UCK2: variants seen among roughly 807,000 people sequenced by gnomAD.
UCK2 encodes cytidine monophosphokinase 2.
UCK2 carries 6 observed loss-of-function variants against 30.8 expected under a neutral mutation model. The observed-to-expected ratio is 0.19, with a 90% confidence interval of 0.11 to 0.38. The LOEUF is 0.38. Among genes scored for constraint, UCK2 ranks in the 10% least tolerant of loss-of-function variants. UCK2 has a pLI of 1.00. For synonymous variants in UCK2, 125 were observed against 133.6 expected, an observed-to-expected ratio of 0.94 and a Z score of 0.45; for missense variants, 210 against 339.8, an observed-to-expected ratio of 0.62 and a Z score of 3.00.
rs773470020 is a variant in UCK2, at chr1:165,907,865, A to AGG, written c.*43_*44dup. 6.2e-6 allele frequency: 10 copies of AGG among 1,605,004 alleles called. No individual in the cohort carries two copies. The South Asian group carries it at 7.8e-5, about 13-fold the overall frequency. On this transcript the variant is annotated 3_prime_UTR_variant, in exon 7 of 7. Transcript: ENST00000367879. ...CCCAGCCCCTATCTCCAAGAGACAGAGGAGGGGTCAGGAGGCACTGCTCAT... is the reference window on the plus strand; with the variant it reads ...CCCAGCCCCTATCTCCAAGAGACAGAGGGGAGGGGTCAGGAGGCACTGCTCAT...
intron 1 of UCK2, among the ~76,000 whole-genome samples, chr1:165,835,951 G>A (rs973820957): frequency 2.0e-5 from 3 of 152,084 alleles, no homozygotes; most frequent in East Asian, 1.9e-4. Flanking sequence ...GGATACTGCC[G>A]GGCGCGGTGG....
chr1:165,909,585 G>A lies in UCK2; in HGVS notation c.*1762G>A, dbSNP rs889788116. On this transcript the variant is annotated 3_prime_UTR_variant, in exon 7 of 7. Transcript: ENST00000367879. ...TGGTCCCCAGCAGAGCTTGCCACCC[G>A]GAGACTTTCAGGAGACCGTGCAGGC... is the stretch of plus-strand genomic sequence containing the variant. 3 of 152,204 alleles carry A rather than the reference G, an allele frequency of 2.0e-5. No homozygotes were observed. The highest frequency in any genetic ancestry group is 2.9e-5 in the Non-Finnish European group (2 of 68,032). 9.4% of individuals were successfully genotyped at this position (152,204 alleles called of 1,614,324 possible). A position where few individuals can be genotyped will look rare whatever the true frequency, so the allele number is the denominator to read the frequency against.
At chr1:165,841,109 G>GTATA (rs1427958973) in intron 1 of UCK2, among the ~76,000 whole-genome samples, 1,459 of 46,424 alleles carry the variant, frequency 0.031, 13 homozygotes, top group Non-Finnish European at 0.048. Context: ...GTGTGTGTGT[G>GTATA]TGTATATATA....
intron 3 of UCK2, among the ~76,000 whole-genome samples, chr1:165,893,580 C>A (rs1571296526): frequency 6.6e-6 from 1 of 152,190 alleles, no homozygotes; most frequent in Non-Finnish European, 1.5e-5. Context: ...TCTGAGCATC[C>A]TTTTCCCCAT....
intron 4 of UCK2, among the ~76,000 whole-genome samples, chr1:165,899,910 G>A (rs967870425): frequency 6.6e-6 from 1 of 152,136 alleles, no homozygotes; most frequent in Non-Finnish European, 1.5e-5. Context: ...GAGCAGAGGT[G>A]GGCAAGGCCT....
chr1:165,891,116 C>T (rs948547423), intron 2 of UCK2, 110 bp from the exon 3 acceptor site: 2 of 966,058 alleles, frequency 2.1e-6, no homozygotes, highest in African/African-American at 1.6e-5. Context: ...GTATGATTAC[C>T]TTTAAAGTGT....
chr1:165,873,929 GTC>G (rs1365300077), intron 1 of UCK2, among the ~76,000 whole-genome samples: 1 of 151,946 alleles, frequency 6.6e-6, no homozygotes, highest in Non-Finnish European at 1.5e-5. Context: ...CTACCTTATT[GTC>G]TCTTTCTTTC....
chr1:165,891,141 C>A, intron 2 of UCK2, 85 bp from the exon 3 acceptor site: 1 of 1,208,680 alleles, frequency 8.3e-7, no homozygotes, highest in Non-Finnish European at 1.2e-6. Flanking sequence ...TGCCCATATA[C>A]ATGTTTATGA....
intron 1 of UCK2, among the ~76,000 whole-genome samples, chr1:165,848,459 C>CCAT (rs1654505161): frequency 6.6e-6 from 1 of 152,090 alleles, no homozygotes; most frequent in South Asian, 2.1e-4. Context: ...TGGTGAAAAC[C>CCAT]CATCTCTACA....
intron 4 of UCK2, among the ~76,000 whole-genome samples, chr1:165,901,593 A>G (rs1061772): frequency 0.095 from 14,537 of 152,266 alleles, 2,300 homozygotes; most frequent in African/African-American, 0.33. Flanking sequence ...GGAGCTGAAG[A>G]GCCACTGCAA....
Position 165,902,097 on chromosome 1 carries a change from G to A in UCK2, c.500-1085G>A, listed in dbSNP as rs530777370. On this transcript the variant is annotated intron_variant, in intron 4 of 6. Coordinates refer to ENST00000367879, the MANE Select transcript of UCK2 (RefSeq NM_012474.5). ...TAAAAATACAAAAAATTAGCCAGGC[G>A]TGGTGGCAGGTGCCTGTAGTCTCAG... Among the ~76,000 whole-genome samples, 87 of 152,164 alleles carry A rather than the reference G, an allele frequency of 5.7e-4. 2 individuals are homozygous for A. The highest frequency in any genetic ancestry group is 1.9e-3 in the South Asian group (9 of 4,820).
At chr1:165,894,927 A>G (rs925449784) in intron 3 of UCK2, among the ~76,000 whole-genome samples, 40 of 152,276 alleles carry the variant, frequency 2.6e-4, no homozygotes, top group African/African-American at 9.1e-4. Flanking sequence ...AAACCTTGCA[A>G]TGATGATTAT....
At chr1:165,841,970 C>T (rs1012390230) in intron 1 of UCK2, among the ~76,000 whole-genome samples, 3 of 152,082 alleles carry the variant, frequency 2.0e-5, no homozygotes, top group African/African-American at 7.2e-5. Flanking sequence ...AAAGTGTTGT[C>T]GCAGGTGGAG....
chr1:165,893,871 C>T (rs554212069), intron 3 of UCK2, among the ~76,000 whole-genome samples: 15 of 152,236 alleles, frequency 9.9e-5, no homozygotes, highest in Middle Eastern at 6.8e-3. Context: ...TTTCTCCTTC[C>T]GAAGGAAAAC....
chr1:165,886,853 T>C (rs889598965), intron 1 of UCK2, among the ~76,000 whole-genome samples: 8 of 152,172 alleles, frequency 5.3e-5, no homozygotes, highest in African/African-American at 1.7e-4. Context: ...AACCAAACCC[T>C]ATGTACATGT....
intron 1 of UCK2, among the ~76,000 whole-genome samples, chr1:165,861,225 C>T (rs140323424): frequency 6.2e-4 from 95 of 152,230 alleles, no homozygotes; most frequent in African/African-American, 2.1e-3. Context: ...CCCAGAGGTC[C>T]CACCTCTTAA....
intron 1 of UCK2, among the ~76,000 whole-genome samples, chr1:165,884,825 G>A (rs922211322): frequency 7.2e-5 from 11 of 152,186 alleles, no homozygotes; most frequent in African/African-American, 2.4e-4. Flanking sequence ...ACTGCCAGCC[G>A]AAGGGGCCTG....
chr1:165,906,458 C>T (rs984865181), intron 6 of UCK2, among the ~76,000 whole-genome samples: 1 of 152,230 alleles, frequency 6.6e-6, no homozygotes, highest in African/African-American at 2.4e-5. Flanking sequence ...AGTCACAGCT[C>T]ATTTGCAGCC....
chr1:165,834,455 AC>A (rs1654137002), intron 1 of UCK2, among the ~76,000 whole-genome samples: 1 of 152,110 alleles, frequency 6.6e-6, no homozygotes, highest in African/African-American at 2.4e-5. Flanking sequence ...ACAGAGCAAG[AC>A]CCTATATCAG....
Sources: gnomAD v4.1 joint callset for allele counts (sites outside exome capture counted in the v4.1 genomes callset) on GRCh38, gnomAD v4.1.1 for gene constraint, MANE v1.5 for transcripts, NCBI Gene and HGNC (gene_info 2026-07-23, HGNC 2026-07-21) for gene names.